The following CAMTA1 variants were observed in gnomAD, a reference collection of about 807,000 sequenced individuals.
CAMTA1 encodes the protein calmodulin-binding transcription activator 1.
CAMTA1 carries 27 observed loss-of-function variants against 170.9 expected under a neutral mutation model. That is an observed-to-expected ratio of 0.16 (90% CI 0.12 to 0.22). CAMTA1 has a LOEUF of 0.22. CAMTA1 is among the 10% of genes least tolerant of loss of function. CAMTA1 has a pLI of 1.00. For missense variants in CAMTA1, 1,619 were observed against 2,217.2 expected, an observed-to-expected ratio of 0.73 and a Z score of 5.42; for synonymous variants, 833 against 891.5, an observed-to-expected ratio of 0.93 and a Z score of 1.17.
intron 6 of CAMTA1, among the ~76,000 whole-genome samples, chr1:7,581,429 C>T (rs905071305): frequency 6.6e-6 from 1 of 152,254 alleles, no homozygotes; most frequent in Non-Finnish European, 1.5e-5. Context: ...CCCTCCCACA[C>T]ACTCGAATTG....
intron 1 of CAMTA1, among the ~76,000 whole-genome samples, chr1:6,803,648 G>A (rs1644154496): frequency 6.6e-6 from 1 of 152,222 alleles, no homozygotes; most frequent in Admixed American, 6.5e-5. Flanking sequence ...AAAGAGGAAA[G>A]TGTATGTTTT....
At chr1:7,222,243 G>A (rs1660921627) in intron 4 of CAMTA1, among the ~76,000 whole-genome samples, 1 of 152,176 alleles carries the variant, frequency 6.6e-6, no homozygotes, top group Non-Finnish European at 1.5e-5. Context: ...GTGGGACCCT[G>A]CAAGCCTGTC....
intron 1 of CAMTA1, among the ~76,000 whole-genome samples, chr1:6,803,162 A>G (rs1644088256): frequency 6.6e-6 from 1 of 152,222 alleles, no homozygotes; most frequent in Non-Finnish European, 1.5e-5. Flanking sequence ...GGGTGATGTC[A>G]GTATCATTTG....
chr1:7,394,149 T>G (rs1359957474), intron 5 of CAMTA1, among the ~76,000 whole-genome samples: 2 of 152,240 alleles, frequency 1.3e-5, no homozygotes, highest in African/African-American at 2.4e-5. Flanking sequence ...TGAATAGTGC[T>G]GCAATAAACA....
chr1:7,417,780 T>G (rs1210108191), intron 5 of CAMTA1, among the ~76,000 whole-genome samples: 1 of 152,064 alleles, frequency 6.6e-6, no homozygotes, highest in Non-Finnish European at 1.5e-5. Flanking sequence ...CCGCACCCAC[T>G]GTCCTGCACC....
intron 3 of CAMTA1, chr1:6,886,163 T>C: frequency 2.2e-6 from 1 of 454,176 alleles, no homozygotes; most frequent in South Asian, 1.6e-5. Flanking sequence ...TGGGGTAACA[T>C]ACCTTCAAGC....
At chr1:7,639,816 G>C (rs1426881190) in intron 6 of CAMTA1, among the ~76,000 whole-genome samples, 1 of 152,112 alleles carries the variant, frequency 6.6e-6, no homozygotes, top group East Asian at 1.9e-4. Flanking sequence ...TTTGTCAGGG[G>C]AGAAGACCAC....
chr1:6,854,693 A>G (rs1008202427), intron 3 of CAMTA1, among the ~76,000 whole-genome samples: 1 of 152,198 alleles, frequency 6.6e-6, no homozygotes, highest in Admixed American at 6.5e-5. Context: ...CATACTTACA[A>G]AGACAGGTTT....
At chr1:7,484,214 C>T (rs984882520) in intron 6 of CAMTA1, among the ~76,000 whole-genome samples, 1 of 152,156 alleles carries the variant, frequency 6.6e-6, no homozygotes, top group Non-Finnish European at 1.5e-5. Flanking sequence ...GGGGGGCCCA[C>T]CTCAGGTCCG....
chr1:7,043,436 G>A (rs56392716), intron 3 of CAMTA1, among the ~76,000 whole-genome samples: 4,173 of 152,302 alleles, frequency 0.027, 205 homozygotes, highest in African/African-American at 0.094. Context: ...TCCACCTACA[G>A]CTATTTGGTG....
chr1:6,841,617 A>G (rs1655740256), intron 3 of CAMTA1, among the ~76,000 whole-genome samples: 2 of 152,120 alleles, frequency 1.3e-5, no homozygotes, highest in African/African-American at 2.4e-5. Flanking sequence ...CAAGAATTAC[A>G]AAGGAAAAGC....
chr1:7,430,379 C>G (rs2859319), intron 5 of CAMTA1, among the ~76,000 whole-genome samples: 1 of 151,886 alleles, frequency 6.6e-6, no homozygotes, highest in South Asian at 2.1e-4. Flanking sequence ...TGATGGTGAC[C>G]ATGGTGGTGA....
chr1:7,210,203 G>T (rs1290164294), intron 4 of CAMTA1, among the ~76,000 whole-genome samples: 1 of 152,176 alleles, frequency 6.6e-6, no homozygotes, highest in Non-Finnish European at 1.5e-5. Flanking sequence ...ATCCAATTCA[G>T]AATCTCACGT....
At chr1:7,758,698 G>A (rs1460360749) in intron 22 of CAMTA1, among the ~76,000 whole-genome samples, 1 of 152,148 alleles carries the variant, frequency 6.6e-6, no homozygotes, top group African/African-American at 2.4e-5. Context: ...CACTTTGGGA[G>A]GCCGAGGCGG....
chr1:7,477,668 C>T (rs188042279), intron 6 of CAMTA1, among the ~76,000 whole-genome samples: 35 of 152,306 alleles, frequency 2.3e-4, no homozygotes, highest in Admixed American at 4.6e-4. Flanking sequence ...TCCCTCTTCC[C>T]GATTCCTTCC....
intron 11 of CAMTA1, among the ~76,000 whole-genome samples, chr1:7,699,196 A>G (rs1243304680): frequency 6.6e-6 from 1 of 152,192 alleles, no homozygotes; most frequent in Admixed American, 6.5e-5. Context: ...AGGGTTGTGC[A>G]GTCATCACCA....
At chr1:7,521,616 C>T (rs1344224647) in intron 6 of CAMTA1, among the ~76,000 whole-genome samples, 1 of 152,042 alleles carries the variant, frequency 6.6e-6, no homozygotes, top group African/African-American at 2.4e-5. Context: ...AATCTCAGCT[C>T]ACTGCAACCT....
chr1:7,420,281 C>G (rs1448055033), intron 5 of CAMTA1, among the ~76,000 whole-genome samples: 1 of 143,210 alleles, frequency 7.0e-6, no homozygotes, highest in Non-Finnish European at 1.5e-5. Flanking sequence ...AGTTCCATCA[C>G]CCCAGCGGAG....
chr1:6,848,564 A>G (rs949158495), intron 3 of CAMTA1, among the ~76,000 whole-genome samples: 1 of 152,328 alleles, frequency 6.6e-6, no homozygotes, highest in African/African-American at 2.4e-5. Flanking sequence ...TGAGGAATCC[A>G]TCCCAGAGGT....
Sources: allele counts gnomAD v4.1 joint callset (sites outside exome capture counted in the v4.1 genomes callset), GRCh38; gene constraint gnomAD v4.1.1; transcripts MANE v1.5; gene names NCBI Gene and HGNC (gene_info 2026-07-23, HGNC 2026-07-21).